AGBL3: variants seen among roughly 807,000 people sequenced by gnomAD.
The protein encoded by AGBL3 is AGBL carboxypeptidase 3.
In AGBL3, 68 loss-of-function variants were observed where a neutral mutation model predicts 94.5. That is an observed-to-expected ratio of 0.72 (90% CI 0.59 to 0.88). AGBL3 has a LOEUF of 0.88. AGBL3 is among the 40% of genes least tolerant of loss of function. The pLI is 0.00. For missense variants in AGBL3, 934 were observed against 1,103.8 expected (o/e 0.85, Z 2.18); for synonymous variants, 354 against 370.7 (o/e 0.95, Z 0.52).
intron 2 of AGBL3, among the ~76,000 whole-genome samples, chr7:134,988,706 C>G (rs1255528027): frequency 6.6e-6 from 1 of 151,714 alleles, no homozygotes. Context: ...GGCGCGATCT[C>G]GGCTCACTGC....
intron 2 of AGBL3, 102 bp downstream of exon 2, chr7:134,988,098 A>T: frequency 1.1e-6 from 1 of 925,376 alleles, no homozygotes. Flanking sequence ...AATCAATTGG[A>T]TGTTTAAATT....
chr7:135,022,049 T>C (rs1814552533), intron 5 of AGBL3, among the ~76,000 whole-genome samples: 1 of 152,212 alleles, frequency 6.6e-6, no homozygotes, highest in South Asian at 2.1e-4. Context: ...TACCATATTT[T>C]ATTTATCCAG....
chr7:135,120,443 A>C lies in AGBL3; in HGVS notation c.2342+4832A>C, dbSNP rs1185892373. ...ATGTAGTATAATACAGCAACCACTG[A>C]AAAAGCTGTTCAAAGAGATATACTA... On this transcript the variant is annotated intron_variant, in intron 16 of 16. Transcript: ENST00000436302. 2.6e-5 allele frequency among the ~76,000 whole-genome samples: 4 copies of C among 152,226 alleles called. 1 individual carries two copies. Among genetic ancestry groups the C allele is most frequent in the African/African-American group, 9.6e-5 (4 of 41,454 alleles).
At chr7:135,080,383 C>A in intron 14 of AGBL3, 123 bp downstream of exon 14, 1 of 702,428 alleles carries the variant, frequency 1.4e-6, no homozygotes, top group South Asian at 1.7e-5. Flanking sequence ...GTATATGATA[C>A]CATTTCTTCC....
Position 135,083,003 on chromosome 7 carries a change from T to C in AGBL3, c.2110+1213T>C, listed in dbSNP as rs771935388. Among the ~76,000 whole-genome samples the C allele has an allele frequency of 2.6e-5, 4 of 152,210 alleles. No homozygotes were observed. The East Asian group carries it at 5.8e-4, about 22-fold the overall frequency. On this transcript the variant is annotated intron_variant, in intron 15 of 16. Coordinates refer to ENST00000436302, the MANE Select transcript of AGBL3 (RefSeq NM_178563.4). The stretch of plus-strand genomic sequence containing the variant: ...TCTTCCTCACATATTCTCAATAACA[T>C]TGATGGCAGTACTATCTCCATAACC...
chr7:135,040,335 C>T (rs548040121), intron 8 of AGBL3, among the ~76,000 whole-genome samples: 1 of 152,196 alleles, frequency 6.6e-6, no homozygotes, highest in South Asian at 2.1e-4. Flanking sequence ...AAACTACAGA[C>T]TAATATCCCT....
Position 135,135,490 on chromosome 7 carries a change from A to C in AGBL3, c.*229A>C, listed in dbSNP as rs1394442577. On this transcript the variant is annotated 3_prime_UTR_variant, in exon 17 of 17. Coordinates refer to ENST00000436302, the MANE Select transcript of AGBL3 (RefSeq NM_178563.4). ...TGGAAAAATATTAAAGCAGATATTT[A>C]TATTTAGTTTTTATCAGCATGGAAA... 2 of 325,064 alleles carry C rather than the reference A, an allele frequency of 6.2e-6. No homozygotes were observed. Among genetic ancestry groups the C allele is most frequent in the Non-Finnish European group, 1.1e-5 (2 of 186,008 alleles). 20.1% of individuals were successfully genotyped at this position (325,064 alleles called of 1,614,324 possible).
chr7:135,042,237 T>A (rs907461863), intron 8 of AGBL3, among the ~76,000 whole-genome samples: 1 of 152,162 alleles, frequency 6.6e-6, no homozygotes, highest in Non-Finnish European at 1.5e-5. Flanking sequence ...TTATAACAAC[T>A]CTATCATAAT....
intron 8 of AGBL3, among the ~76,000 whole-genome samples, chr7:135,043,078 C>T (rs142943983): frequency 3.9e-4 from 59 of 152,206 alleles, no homozygotes; most frequent in African/African-American, 1.4e-3. Flanking sequence ...TATTTTTGAA[C>T]ATCTCCAACA....
intron 12 of AGBL3, among the ~76,000 whole-genome samples, chr7:135,068,454 A>T (rs1819568941): frequency 6.6e-6 from 1 of 152,128 alleles, no homozygotes; most frequent in Non-Finnish European, 1.5e-5. Flanking sequence ...AAAGTTGAAA[A>T]GAAGGAAAAA....
At chr7:135,115,319 C>A in intron 15 of AGBL3, 61 bp from the exon 16 acceptor site, 2 of 1,106,128 alleles carry the variant, frequency 1.8e-6, no homozygotes, top group South Asian at 1.6e-5. Context: ...ATAATAATGC[C>A]CAATAAGTAA....
rs755666153 is a variant in AGBL3, at chr7:135,045,843, A to G, written c.1773A>G (p.Ile591Met). Residue 591 changes from isoleucine to methionine, a missense_variant, in exon 11 of 17, where the codon ATA (isoleucine) becomes ATG (methionine). Ile to Met is a conservative substitution (Grantham distance 10). Coordinates refer to ENST00000436302, the MANE Select transcript of AGBL3 (RefSeq NM_178563.4). ...AATTAGAAGAAATGGAAAGACATAT[A>G]ACCCTGGAAAAAGTCTTTGAGGATT... ...LKELEEMERHITLEKVFEDSD... is the reference protein window; with the variant it reads ...LKELEEMERHMTLEKVFEDSD... 32 of 1,550,822 alleles carry G rather than the reference A, an allele frequency of 2.1e-5. No individual in the cohort carries two copies. In the South Asian group the frequency reaches 2.6e-4, roughly 13 times the overall value.
At chr7:135,037,340 C>A in intron 7 of AGBL3, 78 bp from the exon 8 acceptor site, 1 of 1,211,066 alleles carries the variant, frequency 8.3e-7, no homozygotes, top group Non-Finnish European at 1.1e-6. Context: ...TTGGATATTA[C>A]ACTTATAAAT....
intron 15 of AGBL3, among the ~76,000 whole-genome samples, chr7:135,103,284 T>C (rs1176225685): frequency 6.6e-6 from 1 of 152,176 alleles, no homozygotes; most frequent in East Asian, 1.9e-4. Context: ...AATCAAATTA[T>C]TGAAGCTGAG....
chr7:135,002,675 A>C (rs1811869817), intron 4 of AGBL3, among the ~76,000 whole-genome samples: 1 of 152,164 alleles, frequency 6.6e-6, no homozygotes, highest in African/African-American at 2.4e-5. Flanking sequence ...CTTTCTTTGG[A>C]TATACAGGGT....
At chr7:135,102,400 G>T (rs755917572) in intron 15 of AGBL3, among the ~76,000 whole-genome samples, 3 of 152,050 alleles carry the variant, frequency 2.0e-5, no homozygotes, top group Non-Finnish European at 4.4e-5. Flanking sequence ...CTTAAAAAAT[G>T]TTAATAATAT....
intron 15 of AGBL3, among the ~76,000 whole-genome samples, chr7:135,091,296 C>T (rs577750126): frequency 1.1e-4 from 17 of 152,210 alleles, no homozygotes; most frequent in Middle Eastern, 3.4e-3. Flanking sequence ...CATATAGTTG[C>T]CCCTCAGTAT....
chr7:135,120,214 T>C (rs2117234452), intron 16 of AGBL3, among the ~76,000 whole-genome samples: 1 of 152,250 alleles, frequency 6.6e-6, no homozygotes, highest in South Asian at 2.1e-4. Context: ...AGATATAAAA[T>C]ACACGTAAAT....
At chr7:135,124,280 C>A (rs1237496755) in intron 16 of AGBL3, among the ~76,000 whole-genome samples, 2 of 149,606 alleles carry the variant, frequency 1.3e-5, no homozygotes, top group Non-Finnish European at 3.0e-5. Context: ...TTTAAACCAA[C>A]AAAATCAAAA....
Sources: gnomAD v4.1 joint callset for allele counts (sites outside exome capture counted in the v4.1 genomes callset) on GRCh38, gnomAD v4.1.1 for gene constraint, MANE v1.5 for transcripts, NCBI Gene and HGNC (gene_info 2026-07-23, HGNC 2026-07-21) for gene names.